Variants in SHISA5 observed in about 807,000 individuals in gnomAD.
SHISA5 encodes shisa family member 5.
Under a neutral mutation model 27.5 loss-of-function variants are expected in SHISA5, and 21 were observed. That is an observed-to-expected ratio of 0.76 (90% CI 0.54 to 1.10). The LOEUF (loss-of-function observed/expected upper bound fraction) is 1.10. Ranked by LOEUF, SHISA5 falls within the 50% of genes least tolerant of loss-of-function variation. The probability of loss-of-function intolerance (pLI) is 0.00; values close to 1 mark genes in which losing one functional copy is unlikely to be tolerated. For missense variants in SHISA5, 314 were observed against 336.3 expected (o/e 0.93, Z 0.52); for synonymous variants, 137 against 142.2 (o/e 0.96, Z 0.26).
chr3:48,489,829 T>C (rs1481982136), intron 2 of SHISA5, among the ~76,000 whole-genome samples: 1 of 151,494 alleles, frequency 6.6e-6, no homozygotes, highest in Admixed American at 6.6e-5. Context: ...GAGGTCTCAC[T>C]ATATTGCCCA....
intron 2 of SHISA5, among the ~76,000 whole-genome samples, chr3:48,498,580 G>C (rs1267272063): frequency 6.6e-6 from 1 of 151,462 alleles, no homozygotes; most frequent in African/African-American, 2.4e-5. Flanking sequence ...CCAGCTACAT[G>C]GGAAGCTGAG....
chr3:48,491,188 T>G (rs1205220040), intron 2 of SHISA5, among the ~76,000 whole-genome samples: 5 of 151,504 alleles, frequency 3.3e-5, no homozygotes, highest in African/African-American at 4.8e-5. Flanking sequence ...GCGTGATCTC[T>G]GCTCACTGCA....
In SHISA5 at chr3:48,473,133, C is replaced by T. The variant is rs2040701421; in HGVS notation, c.315-3290G>A. The T allele has an allele frequency of 1.4e-6, 2 of 1,464,790 alleles. No homozygotes were observed. The highest frequency in any genetic ancestry group is 1.8e-6 in the Non-Finnish European group (2 of 1,111,428). The allele number at this position is 1,464,790 out of a possible 1,614,324, so 90.7% of individuals were successfully genotyped here. On this transcript the variant is annotated intron_variant, in intron 3 of 5. Transcript: ENST00000296444. The surrounding 1 kb of genome is among the most constrained non-coding windows in gnomAD (Gnocchi z 4.3). ...GGAGAAAAAGAAAGCAAATCTCCTC[C>T]AGATGACGTCAGCCACAGGAAGCAC...
Position 48,473,720 on chromosome 3 carries a change from CTGAG to C in SHISA5, c.315-3881_315-3878del, listed in dbSNP as rs1390448830. ...ATTTGCTTTATAATTACATGTTAAA[CTGAG>C]TGTGTCTGTGCTTTCCTGTGTATGT... On this transcript the variant is annotated intron_variant, in intron 3 of 5. Transcript: ENST00000296444. The surrounding 1 kb of genome is among the most constrained non-coding windows in gnomAD (Gnocchi z 4.3). 6.4e-6 allele frequency: 3 copies of C among 467,206 alleles called. No homozygotes were observed. Among genetic ancestry groups the C allele is most frequent in the Non-Finnish European group, 8.4e-6 (3 of 356,912 alleles). 28.9% of individuals were successfully genotyped at this position (467,206 alleles called of 1,614,324 possible).
Position 48,479,238 on chromosome 3 carries a change from G to A in SHISA5, c.253C>T (p.Pro85Ser). Residue 85 changes from proline to serine, a missense_variant, in exon 3 of 6, where the codon CCG becomes TCG. Pro to Ser is a moderately conservative substitution (Grantham distance 74). Transcript: ENST00000296444. ...PEASVPASVE[P>S]VEQLGSALRF... ...AGCGCCGAGCCCAGCTGCTCCACCG[G>A]CTCTACACTGGCAGGCACGCTGCAA... is the stretch of plus-strand genomic sequence containing the variant. 5.0e-6 allele frequency: 8 copies of A among 1,601,394 alleles called. No homozygotes were observed. The South Asian group carries it at 7.8e-5, about 16-fold the overall frequency.
At chr3:48,478,963 CCA>C (rs1321381122) in intron 3 of SHISA5, among the ~76,000 whole-genome samples, 1 of 152,114 alleles carries the variant, frequency 6.6e-6, no homozygotes, top group African/African-American at 2.4e-5. Context: ...CAACCCCCGA[CCA>C]CAGTCACCCA....
chr3:48,478,834 C>T (rs1168506368), intron 3 of SHISA5, among the ~76,000 whole-genome samples: 2 of 152,070 alleles, frequency 1.3e-5, no homozygotes, highest in African/African-American at 4.8e-5. Flanking sequence ...CTACCATCAT[C>T]GCATGCCCAC....
intron 2 of SHISA5, among the ~76,000 whole-genome samples, chr3:48,499,869 A>AG (rs2041703770): frequency 1.4e-5 from 2 of 138,178 alleles, no homozygotes; most frequent in African/African-American, 5.4e-5. Flanking sequence ...CGTCTCAAAA[A>AG]AAAAAAAAAA....
chr3:48,493,047 T>C (rs1048646332), intron 2 of SHISA5, among the ~76,000 whole-genome samples: 1 of 147,576 alleles, frequency 6.8e-6, no homozygotes, highest in East Asian at 1.9e-4. Flanking sequence ...TCCTCATGTT[T>C]CACTAAGGAT....
At chr3:48,483,713 G>C (rs1221073330) in intron 2 of SHISA5, among the ~76,000 whole-genome samples, 1 of 151,268 alleles carries the variant, frequency 6.6e-6, no homozygotes, top group African/African-American at 2.4e-5. Context: ...TGGCCGGGTG[G>C]GGGGCTGACC....
At chr3:48,474,781 T>A (rs1439708186) in intron 3 of SHISA5, among the ~76,000 whole-genome samples, 1 of 152,144 alleles carries the variant, frequency 6.6e-6, no homozygotes, top group African/African-American at 2.4e-5. Context: ...TGTGTCCTGC[T>A]CAAGGCCTTT....
chr3:48,504,074 C>T lies in SHISA5; in HGVS notation c.21G>A (p.Ala7=). The T allele has an allele frequency of 7.1e-7, 1 of 1,407,432 alleles. No individual in the cohort carries two copies. Among genetic ancestry groups the T allele is most frequent in the East Asian group, 3.1e-5 (1 of 32,680 alleles). The allele number at this position is 1,407,432 out of a possible 1,614,324, so 87.2% of individuals were successfully genotyped here. A position where few individuals can be genotyped will look rare whatever the true frequency, so the allele number is the denominator to read the frequency against. The change falls in exon 1 of 6, where the codon GCG becomes GCA. Residue 7 remains alanine (A), a synonymous_variant. Coordinates refer to ENST00000296444, the MANE Select transcript of SHISA5 (RefSeq NM_016479.6). The surrounding 1 kb of genome is among the most constrained non-coding windows in gnomAD (Gnocchi z 4.0). MTAPVP[A]PRILLPLLLL... is the part of the protein sequence containing the mutation. ...ACAGCAACGGCAACAGGATCCGCGG[C>T]GCGGGGACCGGCGCAGTCATGGCTG...
rs1575335372 is a variant in SHISA5, at chr3:48,501,208, G to T, written c.162C>A (p.Asp54Glu). ...CPDFCCGTCD[D>E]QYCCSDVLKK... is the part of the protein sequence containing the mutation. ...TCAGCACGTCAGAGCAGCAGTATTGGTCATCACAGGTACCACAGCAGAAAT... is the reference window on the plus strand; with the variant it reads ...TCAGCACGTCAGAGCAGCAGTATTGTTCATCACAGGTACCACAGCAGAAAT... Residue 54 changes from aspartate (D) to glutamate (E), a missense_variant, in exon 2 of 6, where the codon GAC becomes GAA. Asp to Glu is a conservative substitution (Grantham distance 45, BLOSUM62 2). Coordinates refer to ENST00000296444, the MANE Select transcript of SHISA5 (RefSeq NM_016479.6). The T allele has an allele frequency of 6.2e-7, 1 of 1,614,114 alleles. No homozygotes were observed. Among genetic ancestry groups the T allele is most frequent in the East Asian group, 2.2e-5 (1 of 44,876 alleles).
intron 2 of SHISA5, among the ~76,000 whole-genome samples, chr3:48,483,420 A>T (rs1410262717): frequency 6.6e-6 from 1 of 152,190 alleles, no homozygotes; most frequent in East Asian, 1.9e-4. Context: ...GTCATAGATC[A>T]ACAGGATCCC....
intron 1 of SHISA5, 114 bp downstream of exon 1, chr3:48,503,904 AG>A (rs1438670052): frequency 3.0e-6 from 4 of 1,321,854 alleles, no homozygotes; most frequent in Non-Finnish European, 3.9e-6. Flanking sequence ...CGGGGCAATC[AG>A]GGGTCAGTGG....
chr3:48,473,123 A>T lies in SHISA5; in HGVS notation c.315-3280T>A. ...CTCCCCTTTTGGAGAAAAAGAAAGC[A>T]AATCTCCTCCAGATGACGTCAGCCA... On this transcript the variant is annotated intron_variant, in intron 3 of 5. Coordinates refer to ENST00000296444, the MANE Select transcript of SHISA5 (RefSeq NM_016479.6). The surrounding 1 kb of genome is among the most constrained non-coding windows in gnomAD (Gnocchi z 4.3). 1 of 1,474,586 alleles carries T rather than the reference A, an allele frequency of 6.8e-7. No homozygotes were observed. Among genetic ancestry groups the T allele is most frequent in the Non-Finnish European group, 9.0e-7 (1 of 1,116,894 alleles). The allele number at this position is 1,474,586 out of a possible 1,614,324, so 91.3% of individuals were successfully genotyped here.
In SHISA5 at chr3:48,468,676, A is replaced by T; in HGVS notation, c.*431T>A. ...AGCAGCAGCTGGCTACGCTGCCGAAACCAGGACACATCTGCATCACACAGA... is the reference window on the plus strand; with the variant it reads ...AGCAGCAGCTGGCTACGCTGCCGAATCCAGGACACATCTGCATCACACAGA... On this transcript the variant is annotated 3_prime_UTR_variant, in exon 6 of 6. Coordinates refer to ENST00000296444, the MANE Select transcript of SHISA5 (RefSeq NM_016479.6). The T allele has an allele frequency of 8.1e-7, 1 of 1,227,046 alleles. No homozygotes were observed. The highest frequency in any genetic ancestry group is 1.0e-6 in the Non-Finnish European group (1 of 961,222). The allele number at this position is 1,227,046 out of a possible 1,614,324, so 76.0% of individuals were successfully genotyped here.
intron 2 of SHISA5, among the ~76,000 whole-genome samples, chr3:48,482,597 A>T (rs550473308): frequency 6.6e-6 from 1 of 152,002 alleles, no homozygotes; most frequent in Non-Finnish European, 1.5e-5. Context: ...GGAAATAGTT[A>T]TATTTGCCTT....
At chr3:48,478,217 C>A (rs568324088) in intron 3 of SHISA5, among the ~76,000 whole-genome samples, 1 of 152,312 alleles carries the variant, frequency 6.6e-6, no homozygotes, top group African/African-American at 2.4e-5. Context: ...CAGGCTCCAA[C>A]CAGCCCTGAG....
Sources: allele counts gnomAD v4.1 joint callset (sites outside exome capture counted in the v4.1 genomes callset), GRCh38; gene constraint gnomAD v4.1.1; non-coding constraint Gnocchi (gnomAD v3.1); transcripts MANE v1.5; gene names NCBI Gene and HGNC (gene_info 2026-07-23, HGNC 2026-07-21).